The following TSGA10 variants were observed in gnomAD, a reference collection of about 807,000 sequenced individuals.
TSGA10 encodes the protein testis-specific gene 10 protein.
TSGA10 carries 43 observed loss-of-function variants against 96.6 expected under a neutral mutation model. That is an observed-to-expected ratio of 0.44 (90% CI 0.35 to 0.57). The LOEUF (loss-of-function observed/expected upper bound fraction) is 0.57. Ranked by LOEUF, TSGA10 falls within the 20% of genes least tolerant of loss-of-function variation. The pLI is 0.01. For missense variants in TSGA10, 703 were observed against 834.4 expected (o/e 0.84, Z 1.94); for synonymous variants, 229 against 269.9 (o/e 0.85, Z 1.48).
At chr2:99,060,350 C>A (rs2084544077) in intron 16 of TSGA10, among the ~76,000 whole-genome samples, 1 of 151,918 alleles carries the variant, frequency 6.6e-6, no homozygotes, top group African/African-American at 2.4e-5. Context: ...CCATAAAAAA[C>A]CCCATGAGAT....
chr2:99,025,063 T>C (rs2080438127), intron 17 of TSGA10, among the ~76,000 whole-genome samples: 1 of 152,224 alleles, frequency 6.6e-6, no homozygotes, highest in Non-Finnish European at 1.5e-5. Flanking sequence ...ATTTTTCATC[T>C]GTATTCATAA....
intron 1 of TSGA10, among the ~76,000 whole-genome samples, chr2:99,149,545 C>A (rs2093668740): frequency 6.7e-6 from 1 of 150,332 alleles, no homozygotes; most frequent in Admixed American, 6.7e-5. Context: ...CGGGTTCACA[C>A]CATTCTTCTG....
At position 99,059,079 on chromosome 2, in the gene TSGA10, T is replaced by TA. The variant is rs1470841117; in HGVS notation, c.1404+5859_1404+5860insT. On this transcript the variant is annotated intron_variant, in intron 16 of 20. Coordinates refer to ENST00000393483, the MANE Select transcript of TSGA10 (RefSeq NM_025244.4). ...ATATATATATATATATTTATATATTTTTATATATATATATATATGCAATCT... is the reference window on the plus strand; with the variant it reads ...ATATATATATATATATTTATATATTTATTATATATATATATATATGCAATCT... Among the ~76,000 whole-genome samples, 26 of 52,508 alleles carry TA rather than the reference T, an allele frequency of 5.0e-4. No homozygotes were observed. In the African/African-American group the frequency reaches 5.7e-3, roughly 11 times the overall value. 34.4% of individuals were successfully genotyped at this position (52,508 alleles called of 152,430 possible).
intron 7 of TSGA10, among the ~76,000 whole-genome samples, chr2:99,106,546 G>A (rs982366103): frequency 1.0e-4 from 11 of 109,894 alleles, no homozygotes; most frequent in African/African-American, 3.2e-4. Context: ...TTCTTCCTGC[G>A]ACACATTAAA....
At chr2:99,018,813 G>C (rs185443885) in intron 18 of TSGA10, among the ~76,000 whole-genome samples, 173 bp from the exon 19 acceptor site, 2 of 152,292 alleles carry the variant, frequency 1.3e-5, no homozygotes, top group South Asian at 2.1e-4. Context: ...GACATAGTAA[G>C]TATGCAGAGT....
intron 1 of TSGA10, among the ~76,000 whole-genome samples, chr2:99,138,466 G>A (rs983413420): frequency 1.3e-5 from 2 of 152,152 alleles, no homozygotes; most frequent in Non-Finnish European, 2.9e-5. Context: ...GCACAAAGGT[G>A]AAACGCAATA....
At chr2:99,024,973 T>C (rs1190610275) in intron 17 of TSGA10, among the ~76,000 whole-genome samples, 1 of 152,228 alleles carries the variant, frequency 6.6e-6, no homozygotes, top group Non-Finnish European at 1.5e-5. Flanking sequence ...CAACCCAGCA[T>C]TCATGGAATA....
chr2:99,141,259 G>C, intron 1 of TSGA10: 1 of 861,058 alleles, frequency 1.2e-6, no homozygotes, highest in Non-Finnish European at 1.5e-6. Flanking sequence ...CCGGCGGATC[G>C]GAGGAAGGAC....
rs1191946669 is a variant in TSGA10, at chr2:99,013,278, T to C, written c.2072+4922A>G. Among the ~76,000 whole-genome samples, 5 of 152,290 alleles carry C rather than the reference T, an allele frequency of 3.3e-5. No homozygotes were observed. The East Asian group carries it at 9.6e-4, about 29-fold the overall frequency. Reference sequence around the variant, plus strand: ...TTTAATTTCCATCTTGATTTCACTGTTGACCCAAAGATCACTTAAGATCAG... The same window carrying C: ...TTTAATTTCCATCTTGATTTCACTGCTGACCCAAAGATCACTTAAGATCAG... On this transcript the variant is annotated intron_variant, in intron 20 of 20. Coordinates refer to ENST00000393483, the MANE Select transcript of TSGA10 (RefSeq NM_025244.4).
intron 10 of TSGA10, among the ~76,000 whole-genome samples, chr2:99,084,389 CG>C (rs1342204378): frequency 6.6e-6 from 1 of 151,892 alleles, no homozygotes; most frequent in Non-Finnish European, 1.5e-5. Flanking sequence ...AGTGAGATCT[CG>C]CTAGTTAGTT....
chr2:99,149,781 G>A (rs1478447262), intron 1 of TSGA10, among the ~76,000 whole-genome samples: 1 of 109,804 alleles, frequency 9.1e-6, no homozygotes, highest in Non-Finnish European at 1.8e-5. Context: ...TTAATCACAA[G>A]TATCTTTTTT....
At chr2:99,029,374 T>G (rs1441326462) in intron 17 of TSGA10, among the ~76,000 whole-genome samples, 1 of 152,140 alleles carries the variant, frequency 6.6e-6, no homozygotes, top group African/African-American at 2.4e-5. Context: ...CAGGGTATAT[T>G]ATATAGTGTG....
At chr2:99,110,773 C>T (rs1372211482) in intron 5 of TSGA10, 77 bp downstream of exon 5, 4 of 317,494 alleles carry the variant, frequency 1.3e-5, no homozygotes, top group Non-Finnish European at 1.8e-5. Flanking sequence ...GTGTGAGAGC[C>T]AAAGATATAA....
intron 7 of TSGA10, 30 bp downstream of exon 7, chr2:99,108,802 TA>T: frequency 6.9e-7 from 1 of 1,457,284 alleles, no homozygotes; most frequent in Non-Finnish European, 9.2e-7. Flanking sequence ...TCAATGTTAT[TA>T]CTTATATAAT....
At chr2:99,067,987 CAG>C (rs2085466779) in intron 15 of TSGA10, among the ~76,000 whole-genome samples, 1 of 152,102 alleles carries the variant, frequency 6.6e-6, no homozygotes, top group Non-Finnish European at 1.5e-5. Context: ...TGGGAAGAAT[CAG>C]AGAGGCTGAG....
At chr2:98,998,692 A>G (rs931562141) in intron 20 of TSGA10, among the ~76,000 whole-genome samples, 1 of 152,144 alleles carries the variant, frequency 6.6e-6, no homozygotes, top group Non-Finnish European at 1.5e-5. Flanking sequence ...TGTAAAAAAT[A>G]TATATATACA....
At chr2:99,119,104 C>A (rs567717188) in intron 2 of TSGA10, among the ~76,000 whole-genome samples, 51 of 152,216 alleles carry the variant, frequency 3.4e-4, no homozygotes, top group African/African-American at 1.2e-3. Context: ...CCTTTTCAAA[C>A]AGCTATAGAG....
chr2:99,111,108 C>T (rs970172772), intron 4 of TSGA10, among the ~76,000 whole-genome samples, 193 bp from the exon 5 acceptor site: 5 of 152,012 alleles, frequency 3.3e-5, no homozygotes, highest in African/African-American at 1.2e-4. Context: ...AATGAAATAA[C>T]AATTCTCTTA....
chr2:99,046,546 T>C (rs1228392682), intron 16 of TSGA10, among the ~76,000 whole-genome samples: 16 of 152,090 alleles, frequency 1.1e-4, no homozygotes, highest in South Asian at 2.1e-4. Flanking sequence ...CACAACATAC[T>C]AGAATCTCTG....
Sources: gnomAD v4.1 joint callset for allele counts (sites outside exome capture counted in the v4.1 genomes callset) on GRCh38, gnomAD v4.1.1 for gene constraint, MANE v1.5 for transcripts, NCBI Gene and HGNC (gene_info 2026-07-23, HGNC 2026-07-21) for gene names.